The following CHRM2 variants were observed in gnomAD, a reference collection of about 807,000 sequenced individuals.
CHRM2 encodes muscarinic acetylcholine receptor M2.
In CHRM2, 8 loss-of-function variants were observed where a neutral mutation model predicts 25.0. The observed-to-expected ratio is 0.32, with a 90% CI of 0.19 to 0.58. The LOEUF (loss-of-function observed/expected upper bound fraction) is 0.58, where lower values mean the gene tolerates loss of function less well. Ranked by LOEUF, CHRM2 falls within the 20% of genes least tolerant of loss-of-function variation. The probability of loss-of-function intolerance (pLI) is 0.88; values close to 1 mark genes in which losing one functional copy is unlikely to be tolerated. For synonymous variants in CHRM2, 202 were observed against 205.7 expected (o/e 0.98, Z 0.15); for missense variants, 440 against 567.1 (o/e 0.78, Z 2.28).
intron 2 of CHRM2, among the ~76,000 whole-genome samples, chr7:136,978,779 C>T (rs775803383): frequency 3.8e-4 from 58 of 152,136 alleles, no homozygotes; most frequent in Non-Finnish European, 5.1e-4. Flanking sequence ...AAGACATGAA[C>T]TTATTATTTT....
chr7:136,907,804 C>T lies in CHRM2; in HGVS notation c.-125+38386C>T, dbSNP rs541132075. 4.6e-5 allele frequency: 7 copies of T among 152,024 alleles called. No individual in the cohort carries two copies. The East Asian group carries it at 7.8e-4, about 17-fold the overall frequency. The allele number at this position is 152,024 out of a possible 1,614,324, so 9.4% of individuals were successfully genotyped here. ...CATTAAGTTCTCTCTCCCCAGACTA[C>T]GAAGGTGCCAACGGAGATTCAAGAA... On this transcript the variant is annotated intron_variant, in intron 2 of 3. Coordinates refer to ENST00000680005, the MANE Select transcript of CHRM2 (RefSeq NM_001006630.2).
At chr7:136,937,873 A>G (rs1333486675) in intron 2 of CHRM2, among the ~76,000 whole-genome samples, 1 of 152,172 alleles carries the variant, frequency 6.6e-6, no homozygotes, top group Non-Finnish European at 1.5e-5. Flanking sequence ...CACCAAACAC[A>G]CAGTCCATGA....
chr7:137,012,160 T>A (rs1255687475), intron 3 of CHRM2, among the ~76,000 whole-genome samples: 1 of 152,068 alleles, frequency 6.6e-6, no homozygotes, highest in African/African-American at 2.4e-5. Context: ...TAACATTTCA[T>A]GAAACAGATA....
chr7:136,952,360 CTTTATTGA>C (rs1378567690), intron 2 of CHRM2, among the ~76,000 whole-genome samples: 3 of 152,000 alleles, frequency 2.0e-5, no homozygotes, highest in African/African-American at 7.3e-5. Context: ...CTTCTAATTG[CTTTATTGA>C]TTTATAGACT....
At chr7:137,006,905 G>A (rs1047447768) in intron 3 of CHRM2, among the ~76,000 whole-genome samples, 2 of 151,978 alleles carry the variant, frequency 1.3e-5, no homozygotes, top group African/African-American at 4.8e-5. Context: ...TGTAGGTGAG[G>A]ACATGGCTGT....
chr7:136,934,859 C>CAA (rs34883311), intron 2 of CHRM2, among the ~76,000 whole-genome samples: 68 of 146,492 alleles, frequency 4.6e-4, no homozygotes, highest in East Asian at 1.8e-3. Flanking sequence ...TGAAAATAAC[C>CAA]AAAAAAAAAA....
intron 3 of CHRM2, among the ~76,000 whole-genome samples, chr7:136,992,818 A>G (rs1803320335): frequency 6.6e-6 from 1 of 152,152 alleles, no homozygotes; most frequent in African/African-American, 2.4e-5. Flanking sequence ...TGAAATCATT[A>G]AGGCAGGCCA....
rs1443254656 is a variant in CHRM2, at chr7:136,869,702, G to C, written c.-125+284G>C. ...CGACGGTCACTGAGTCCAGCCGAAT[G>C]TGGCGAAAGCAGCCTGGGAGCTGCG... On this transcript the variant is annotated intron_variant, in intron 2 of 3. Transcript: ENST00000680005. The surrounding 1 kb of genome is among the most constrained non-coding windows in gnomAD (Gnocchi z 4.9). The C allele has an allele frequency of 6.6e-6, 1 of 152,424 alleles. No homozygotes were observed. The highest frequency in any genetic ancestry group is 1.9e-4 in the East Asian group (1 of 5,172). The allele number at this position is 152,424 out of a possible 1,614,324, so 9.4% of individuals were successfully genotyped here. A position where few individuals can be genotyped will look rare whatever the true frequency, so the allele number is the denominator to read the frequency against.
At chr7:136,953,184 C>G (rs1230212488) in intron 2 of CHRM2, among the ~76,000 whole-genome samples, 1 of 152,106 alleles carries the variant, frequency 6.6e-6, no homozygotes, top group African/African-American at 2.4e-5. Context: ...GACTTGTAGA[C>G]TGGCTCTGTT....
At chr7:136,884,619 C>T (rs1796391667) in intron 2 of CHRM2, among the ~76,000 whole-genome samples, 1 of 151,868 alleles carries the variant, frequency 6.6e-6, no homozygotes, top group Non-Finnish European at 1.5e-5. Context: ...GAGAAATTCA[C>T]AATTAGGTGA....
intron 3 of CHRM2, among the ~76,000 whole-genome samples, chr7:137,003,347 T>C (rs552277021): frequency 1.2e-4 from 18 of 152,292 alleles, no homozygotes; most frequent in African/African-American, 4.3e-4. Context: ...ATTCCACTGA[T>C]GCTTTATGAG....
chr7:136,984,766 T>A (rs981136810), intron 2 of CHRM2, among the ~76,000 whole-genome samples: 1 of 151,842 alleles, frequency 6.6e-6, no homozygotes, highest in Admixed American at 6.6e-5. Flanking sequence ...TTGCCCTCCA[T>A]GGGCTGCATC....
At chr7:136,961,324 G>A (rs1309623088) in intron 2 of CHRM2, among the ~76,000 whole-genome samples, 1 of 152,134 alleles carries the variant, frequency 6.6e-6, no homozygotes, top group African/African-American at 2.4e-5. Flanking sequence ...GCAAGTTTAA[G>A]GTAGGCTAGG....
intron 2 of CHRM2, chr7:136,870,371 C>T (rs1332834889): frequency 6.6e-6 from 1 of 152,608 alleles, no homozygotes; most frequent in Non-Finnish European, 1.5e-5. Context: ...AGAAATTCCA[C>T]CTGTGCGCGC....
At chr7:136,941,561 CGAGA>C (rs1219610276) in intron 2 of CHRM2, among the ~76,000 whole-genome samples, 1 of 152,082 alleles carries the variant, frequency 6.6e-6, no homozygotes, top group Non-Finnish European at 1.5e-5. Context: ...TTCACGCAGC[CGAGA>C]GAGAGGCTTA....
intron 2 of CHRM2, among the ~76,000 whole-genome samples, chr7:136,880,241 A>G (rs1029678257): frequency 6.6e-6 from 1 of 151,544 alleles, no homozygotes; most frequent in Middle Eastern, 3.4e-3. Context: ...CCCCGTTCCT[A>G]TATTTTGGCA....
At chr7:137,010,641 C>T (rs953887062) in intron 3 of CHRM2, among the ~76,000 whole-genome samples, 6 of 151,834 alleles carry the variant, frequency 4.0e-5, no homozygotes, top group East Asian at 1.9e-4. Flanking sequence ...CCACTGCTTG[C>T]GATTGCTTCT....
At chr7:136,974,074 A>G (rs1801957341) in intron 2 of CHRM2, among the ~76,000 whole-genome samples, 1 of 152,110 alleles carries the variant, frequency 6.6e-6, no homozygotes, top group African/African-American at 2.4e-5. Flanking sequence ...CTTGTATGTG[A>G]GAAGCAATCA....
rs552546936 is a variant in CHRM2, at chr7:136,981,834, C to A, written c.-124-10353C>A. Among the ~76,000 whole-genome samples, 5 of 152,162 alleles carry A rather than the reference C, an allele frequency of 3.3e-5. No homozygotes were observed. The East Asian group carries it at 9.7e-4, about 29-fold the overall frequency. Reference sequence around the variant, plus strand: ...GAGAGTGTTTGTTAAGATTTCCATTCTTTTGCATTTGCTGAGGAGTGTTTT... The same window carrying A: ...GAGAGTGTTTGTTAAGATTTCCATTATTTTGCATTTGCTGAGGAGTGTTTT... On this transcript the variant is annotated intron_variant, in intron 2 of 3. Transcript: ENST00000680005.
Sources: gnomAD v4.1 joint callset for allele counts (sites outside exome capture counted in the v4.1 genomes callset) on GRCh38, gnomAD v4.1.1 for gene constraint, Gnocchi (gnomAD v3.1) non-coding constraint, MANE v1.5 for transcripts, NCBI Gene and HGNC (gene_info 2026-07-23, HGNC 2026-07-21) for gene names.